RC3H1: variants seen among roughly 807,000 people sequenced by gnomAD.
RC3H1 encodes roquin-1.
Under a neutral mutation model 138.2 loss-of-function variants are expected in RC3H1, and 50 were observed. The ratio of observed to expected loss-of-function variants is 0.36; its 90% CI spans 0.29 to 0.46. The LOEUF is 0.46. Among genes scored for constraint, RC3H1 ranks in the 20% least tolerant of loss-of-function variants. The pLI, the probability that RC3H1 is intolerant of heterozygous loss-of-function variation, is 1.00. For missense variants in RC3H1, 1,031 were observed against 1,388.1 expected, an observed-to-expected ratio of 0.74 and a Z score of 4.09; for synonymous variants, 462 against 489.1, an observed-to-expected ratio of 0.94 and a Z score of 0.73.
rs139674996 is a variant in RC3H1, at chr1:173,946,813, C to T, written c.2761G>A (p.Gly921Ser). Residue 921 changes from glycine (G) to serine (S), a missense_variant, in exon 16 of 20, where the codon GGT becomes AGT. This residue lies in a region of RC3H1 where 716 missense variants were observed against 837.9 expected (regional missense o/e 0.85). Coordinates refer to ENST00000367696, the MANE Select transcript of RC3H1 (RefSeq NM_172071.4). The stretch of plus-strand genomic sequence containing the variant: ...GAATATGGAGAAGCTCCCCAGCCAC[C>T]GTGGGTTCCATATGGACTATAATCT... Reference protein sequence around the residue: ...ISDYSPYGTHGGWGASPYSPH... With the variant: ...ISDYSPYGTHSGWGASPYSPH... 6,914 of 1,612,038 alleles carry T rather than the reference C, an allele frequency of 4.3e-3. 26 individuals carry two copies. The highest frequency in any genetic ancestry group is 5.5e-3 in the Non-Finnish European group (6,436 of 1,178,170).
At chr1:173,996,967 C>T (rs555084925) in intron 1 of RC3H1, among the ~76,000 whole-genome samples, 62 of 152,026 alleles carry the variant, frequency 4.1e-4, no homozygotes, top group Middle Eastern at 3.4e-3. Flanking sequence ...TGGTGGTTCA[C>T]GCCTGTAACC....
intron 13 of RC3H1, among the ~76,000 whole-genome samples, chr1:173,953,496 C>T (rs1350164834): frequency 1.3e-5 from 2 of 152,090 alleles, no homozygotes; most frequent in Non-Finnish European, 2.9e-5. Flanking sequence ...GTCTGGAACA[C>T]CTGACCTCAG....
rs116604772 is a variant in RC3H1, at chr1:173,993,267, C to T, written c.-150-132G>A. On this transcript the variant is annotated intron_variant, in intron 1 of 19. Coordinates refer to ENST00000367696, the MANE Select transcript of RC3H1 (RefSeq NM_172071.4). ...TGTATCACTGTAATCCATCTTTTTA[C>T]ACTTTTACAGAATTAGAGCCATGAT... is the stretch of plus-strand genomic sequence containing the variant. 834 of 382,214 alleles carry T rather than the reference C, an allele frequency of 2.2e-3. 7 individuals are homozygous for T. Among genetic ancestry groups the T allele is most frequent in the African/African-American group, 0.015 (742 of 49,012 alleles). The allele number at this position is 382,214 out of a possible 1,614,324, so 23.7% of individuals were successfully genotyped here.
At position 173,971,442 on chromosome 1, in the gene RC3H1, T is replaced by C. The variant is rs1660355632; in HGVS notation, c.1222-825A>G. 2.0e-5 allele frequency among the ~76,000 whole-genome samples: 3 copies of C among 152,222 alleles called. No individual in the cohort carries two copies. In the South Asian group the frequency reaches 6.2e-4, roughly 32 times the overall value. ...TCAAAGAATATTCTGTAACTAATTC[T>C]TCTTGACATGCAGAATAATATATGA... On this transcript the variant is annotated intron_variant, in intron 8 of 19. Transcript: ENST00000367696.
chr1:173,981,197 A>C (rs1048104713), intron 5 of RC3H1, among the ~76,000 whole-genome samples, 188 bp from the exon 6 acceptor site: 1 of 152,228 alleles, frequency 6.6e-6, no homozygotes, highest in East Asian at 1.9e-4. Context: ...ATTCTGAGTC[A>C]AGTTGGATTT....
intron 13 of RC3H1, among the ~76,000 whole-genome samples, chr1:173,953,350 C>T (rs539082010): frequency 3.0e-4 from 45 of 152,262 alleles, no homozygotes; most frequent in African/African-American, 1.1e-3. Flanking sequence ...TCTGCTCACG[C>T]AACCTCTGCC....
intron 6 of RC3H1, among the ~76,000 whole-genome samples, chr1:173,980,256 A>C (rs934342618): frequency 1.9e-5 from 2 of 105,810 alleles, no homozygotes; most frequent in African/African-American, 6.5e-5. Context: ...TAGAAATAGG[A>C]AAAAAAAAAA....
rs1276900722 is a variant in RC3H1, at chr1:173,936,526, A to G, written c.*2195T>C. On this transcript the variant is annotated 3_prime_UTR_variant, in exon 20 of 20. Coordinates refer to ENST00000367696, the MANE Select transcript of RC3H1 (RefSeq NM_172071.4). ...CAGACTCCCTCTCCAAAAAAAAAAA[A>G]AAAAAAAAAAAAAGAAGGTTGGAGG... 6.7e-6 allele frequency: 1 copy of G among 148,532 alleles called. No homozygotes were observed. Among genetic ancestry groups the G allele is most frequent in the Non-Finnish European group, 1.5e-5 (1 of 67,188 alleles). The allele number at this position is 148,532 out of a possible 1,614,324, so 9.2% of individuals were successfully genotyped here. A position where few individuals can be genotyped will look rare whatever the true frequency, so the allele number is the denominator to read the frequency against.
chr1:173,981,140 A>G, intron 5 of RC3H1, 131 bp from the exon 6 acceptor site: 1 of 732,390 alleles, frequency 1.4e-6, no homozygotes, highest in Non-Finnish European at 2.2e-6. Context: ...TTGCCTGCAA[A>G]ATATTTTCTC....
At chr1:173,941,241 C>G in intron 19 of RC3H1, 24 bp downstream of exon 19, 1 of 1,366,482 alleles carries the variant, frequency 7.3e-7, no homozygotes, top group Non-Finnish European at 1.0e-6. Flanking sequence ...TTTAATATGG[C>G]TACGACAATC....
chr1:173,962,230 T>G, intron 11 of RC3H1, 135 bp from the exon 12 acceptor site: 1 of 901,492 alleles, frequency 1.1e-6, no homozygotes, highest in South Asian at 2.0e-5. Flanking sequence ...TTCCATCTGC[T>G]TATATAATCA....
chr1:173,981,509 A>G (rs1660819035), intron 5 of RC3H1, among the ~76,000 whole-genome samples: 1 of 152,188 alleles, frequency 6.6e-6, no homozygotes, highest in Admixed American at 6.5e-5. Flanking sequence ...TTTAAGGTGT[A>G]TGTGTGTGTA....
chr1:173,946,950 T>G (rs1472670647), intron 15 of RC3H1, 114 bp from the exon 16 acceptor site: 1 of 706,072 alleles, frequency 1.4e-6, no homozygotes. Context: ...GTATCTACCC[T>G]AAATGTCCAG....
intron 2 of RC3H1, among the ~76,000 whole-genome samples, chr1:173,992,190 C>T (rs1661317541): frequency 6.6e-6 from 1 of 152,156 alleles, no homozygotes; most frequent in Non-Finnish European, 1.5e-5. Context: ...CTCTGTCACC[C>T]AGGCTGGAGT....
At chr1:173,979,673 A>G (rs565246691) in intron 6 of RC3H1, among the ~76,000 whole-genome samples, 2 of 152,260 alleles carry the variant, frequency 1.3e-5, no homozygotes, top group African/African-American at 2.4e-5. Context: ...CAAACAAACA[A>G]AAAAAGCCAA....
intron 14 of RC3H1, among the ~76,000 whole-genome samples, chr1:173,949,611 C>T (rs1214081073): frequency 3.3e-5 from 5 of 152,102 alleles, no homozygotes; most frequent in African/African-American, 4.8e-5. Flanking sequence ...TCAAGTGATC[C>T]GCCTGCCTTG....
chr1:173,994,796 CAAAAA>C (rs984715226), intron 1 of RC3H1, among the ~76,000 whole-genome samples: 1 of 67,154 alleles, frequency 1.5e-5, no homozygotes, highest in Admixed American at 1.8e-4. Context: ...GACCCCATCT[CAAAAA>C]AAAAAAAAAA....
intron 1 of RC3H1, among the ~76,000 whole-genome samples, chr1:174,004,651 CAAA>C (rs5778791): frequency 4.5e-5 from 5 of 111,330 alleles, no homozygotes; most frequent in East Asian, 2.3e-4. Context: ...ACTAAAAATA[CAAA>C]AAAAAAAAAA....
intron 1 of RC3H1, among the ~76,000 whole-genome samples, chr1:173,999,455 C>G (rs1418370137): frequency 6.6e-6 from 1 of 152,040 alleles, no homozygotes; most frequent in Non-Finnish European, 1.5e-5. Context: ...GGTCCACCAG[C>G]TAAGTAACTA....
Sources: gnomAD v4.1 joint callset for allele counts (sites outside exome capture counted in the v4.1 genomes callset) on GRCh38, gnomAD v4.1.1 for gene constraint, gnomAD v4.1.1 regional missense constraint, MANE v1.5 for transcripts, NCBI Gene and HGNC (gene_info 2026-07-23, HGNC 2026-07-21) for gene names.